Variants in TAFA2 observed in about 807,000 individuals in gnomAD.
TAFA2 encodes TAFA chemokine like family member 2.
In TAFA2, 7 loss-of-function variants were observed where a neutral mutation model predicts 18.8. The ratio of observed to expected loss-of-function variants is 0.37; its 90% confidence interval spans 0.21 to 0.70. The LOEUF is 0.70. TAFA2 is among the 30% of genes least tolerant of loss of function. The pLI is 0.53. For missense variants in TAFA2, 122 were observed against 158.1 expected (o/e 0.77, Z 1.23); for synonymous variants, 60 against 54.2 (o/e 1.11, Z -0.47).
chr12:62,014,244 C>T (rs891886418), intron 1 of TAFA2, among the ~76,000 whole-genome samples: 8 of 152,160 alleles, frequency 5.3e-5, no homozygotes, highest in Non-Finnish European at 1.2e-4. Flanking sequence ...ACTTTGGCAG[C>T]AAGATACCAA....
intron 1 of TAFA2, among the ~76,000 whole-genome samples, chr12:62,054,929 G>T (rs1565729605): frequency 6.6e-6 from 1 of 152,148 alleles, no homozygotes; most frequent in Non-Finnish European, 1.5e-5. Context: ...ACAGAAATTA[G>T]TCTCATACAT....
At chr12:61,862,450 C>A (rs796523362) in intron 2 of TAFA2, among the ~76,000 whole-genome samples, 8 of 152,206 alleles carry the variant, frequency 5.3e-5, no homozygotes, top group Admixed American at 2.0e-4. Flanking sequence ...TTTTAGATAC[C>A]CATTTTTTCA....
chr12:61,824,402 A>G (rs1872453928), intron 2 of TAFA2, among the ~76,000 whole-genome samples: 1 of 152,192 alleles, frequency 6.6e-6, no homozygotes, highest in South Asian at 2.1e-4. Flanking sequence ...CTATATGGCA[A>G]TAGGTAACTA....
intron 1 of TAFA2, among the ~76,000 whole-genome samples, chr12:62,051,281 T>C (rs1882046032): frequency 6.6e-6 from 1 of 152,180 alleles, no homozygotes; most frequent in South Asian, 2.1e-4. Context: ...GCCTGCTTCA[T>C]GCAAAAGGAC....
chr12:62,135,117 A>T (rs1042721521), intron 1 of TAFA2, among the ~76,000 whole-genome samples: 1 of 152,040 alleles, frequency 6.6e-6, no homozygotes, highest in Non-Finnish European at 1.5e-5. Flanking sequence ...CCTCTTTTCC[A>T]TGGTAAGCTC....
rs1869131015 is a variant in TAFA2, at chr12:61,753,746, G to C, written c.260C>G (p.Ala87Gly). ...TTRAAPSCVD[A>G]SIVEQKWWCH... is the part of the protein sequence containing the mutation. ...CCACCATTTCTGTTCCACTATTGAA[G>C]CTATAAGAGAGAAAAAAAATTGACT... Residue 87 changes from alanine to glycine, a missense_variant and splice_region_variant, in exon 4 of 5, where the codon GCT becomes GGT. Ala to Gly is a moderately conservative substitution (Grantham distance 60). Transcript: ENST00000416284. The C allele has an allele frequency of 6.3e-7, 1 of 1,597,252 alleles. No homozygotes were observed. Among genetic ancestry groups the C allele is most frequent in the Non-Finnish European group, 8.5e-7 (1 of 1,173,178 alleles).
chr12:61,908,009 G>A (rs747862079), intron 1 of TAFA2, among the ~76,000 whole-genome samples: 2 of 152,110 alleles, frequency 1.3e-5, no homozygotes, highest in Non-Finnish European at 2.9e-5. Context: ...AACCAACTTG[G>A]CTTTTGATTT....
At chr12:61,767,741 A>C (rs1269632352) in intron 2 of TAFA2, among the ~76,000 whole-genome samples, 1 of 152,088 alleles carries the variant, frequency 6.6e-6, no homozygotes, top group Non-Finnish European at 1.5e-5. Context: ...AAAGGATATA[A>C]ATCCTTAGTC....
chr12:61,753,625 A>G lies in TAFA2; in HGVS notation c.381T>C (p.Thr127=). Residue 127 remains threonine, a synonymous_variant, in exon 4 of 5, where the codon ACT becomes ACC. Transcript: ENST00000416284. ...SCSSGNKVKT[T]RVTH is the part of the protein sequence containing the mutation. ...CCCAAGCTTGCTGTCCACTTACCCTAGTTGTTTTGACTTTATTCCCAGAGG... is the reference window on the plus strand; with the variant it reads ...CCCAAGCTTGCTGTCCACTTACCCTGGTTGTTTTGACTTTATTCCCAGAGG... The G allele has an allele frequency of 6.2e-7, 1 of 1,611,618 alleles. No homozygotes were observed. Among genetic ancestry groups the G allele is most frequent in the Admixed American group, 1.7e-5 (1 of 59,788 alleles).
At chr12:61,910,084 GTGTGTGTGTGTGTGTT>G (rs1440799370) in intron 1 of TAFA2, among the ~76,000 whole-genome samples, 6 of 109,484 alleles carry the variant, frequency 5.5e-5, no homozygotes, top group African/African-American at 2.2e-4. Flanking sequence ...GTGCGTGCTT[GTGTGTGTGTGTGTGTT>G]TGTGTGTGTG....
chr12:62,190,554 G>T (rs968741), intron 1 of TAFA2, among the ~76,000 whole-genome samples: 3 of 152,118 alleles, frequency 2.0e-5, no homozygotes, highest in African/African-American at 7.2e-5. Flanking sequence ...TCTGAACGCT[G>T]TTCGTTAAGA....
intron 1 of TAFA2, among the ~76,000 whole-genome samples, chr12:62,015,662 G>C (rs944137965): frequency 6.6e-6 from 1 of 152,182 alleles, no homozygotes; most frequent in Non-Finnish European, 1.5e-5. Context: ...TTACTATATA[G>C]AGAAGCAAAG....
At chr12:62,118,940 A>G (rs967546431) in intron 1 of TAFA2, among the ~76,000 whole-genome samples, 1 of 152,124 alleles carries the variant, frequency 6.6e-6, no homozygotes, top group African/African-American at 2.4e-5. Context: ...TTTAATTTTA[A>G]TATAGCAAAA....
chr12:62,063,168 C>A (rs9668972), intron 1 of TAFA2, among the ~76,000 whole-genome samples: 1 of 152,094 alleles, frequency 6.6e-6, no homozygotes, highest in Non-Finnish European at 1.5e-5. Context: ...TTCCGCCTGC[C>A]ACACAGCCCT....
chr12:62,062,774 C>T (rs79267400), intron 1 of TAFA2, among the ~76,000 whole-genome samples: 2,393 of 152,206 alleles, frequency 0.016, 55 homozygotes, highest in African/African-American at 0.053. Flanking sequence ...ATTTATGTTG[C>T]TGACAAAATT....
intron 1 of TAFA2, among the ~76,000 whole-genome samples, chr12:61,952,535 A>T (rs376197397): frequency 2.0e-5 from 3 of 152,234 alleles, no homozygotes; most frequent in East Asian, 1.9e-4. Context: ...GATCAACGCG[A>T]TAAACTTCAA....
intron 1 of TAFA2, among the ~76,000 whole-genome samples, chr12:62,063,739 C>G (rs977131780): frequency 2.0e-5 from 3 of 151,992 alleles, no homozygotes; most frequent in Non-Finnish European, 2.9e-5. Context: ...ATACAAATTT[C>G]CTATAATCAA....
chr12:62,056,999 C>G (rs11836835), intron 1 of TAFA2, among the ~76,000 whole-genome samples: 15,624 of 152,234 alleles, frequency 0.1, 1,045 homozygotes, highest in Non-Finnish European at 0.15. Context: ...AGTTTGGTGT[C>G]AAGAGTGTAC....
chr12:61,784,479 G>A (rs1592386360), intron 2 of TAFA2, among the ~76,000 whole-genome samples: 1 of 151,442 alleles, frequency 6.6e-6, no homozygotes, highest in African/African-American at 2.4e-5. Flanking sequence ...AAAGGGTTGG[G>A]TTTCTTCGTT....
Sources: gnomAD v4.1 joint callset for allele counts (sites outside exome capture counted in the v4.1 genomes callset) on GRCh38, gnomAD v4.1.1 for gene constraint, MANE v1.5 for transcripts, NCBI Gene and HGNC (gene_info 2026-07-23, HGNC 2026-07-21) for gene names.